MGAT4C: variants seen among roughly 807,000 people sequenced by gnomAD.
The protein encoded by MGAT4C is alpha-1,3-mannosyl-glycoprotein 4-beta-N-acetylglucosaminyltransferase C.
In MGAT4C, 19 loss-of-function variants were observed where a neutral mutation model predicts 40.1. The ratio of observed to expected loss-of-function variants is 0.47; its 90% CI spans 0.33 to 0.70. The LOEUF (loss-of-function observed/expected upper bound fraction) is 0.70. MGAT4C is among the 30% of genes least tolerant of loss of function. The probability of loss-of-function intolerance (pLI) is 0.02; values close to 1 mark genes in which losing one functional copy is unlikely to be tolerated. For missense variants in MGAT4C, 491 were observed against 563.2 expected (o/e 0.87, Z 1.30); for synonymous variants, 181 against 187.1 (o/e 0.97, Z 0.27).
intron 3 of MGAT4C, among the ~76,000 whole-genome samples, chr12:86,339,088 C>A (rs569862301): frequency 1.3e-5 from 2 of 151,738 alleles, no homozygotes; most frequent in Admixed American, 6.6e-5. Context: ...CGAAAACAAC[C>A]CTATGAAGTT....
chr12:86,294,774 T>C (rs767305952), intron 4 of MGAT4C, among the ~76,000 whole-genome samples: 3 of 152,214 alleles, frequency 2.0e-5, no homozygotes, highest in Non-Finnish European at 2.9e-5. Context: ...TTGGTTCCTA[T>C]TTTGCAATAA....
intron 1 of MGAT4C, among the ~76,000 whole-genome samples, chr12:86,149,290 A>G (rs1433679260): frequency 1.3e-5 from 2 of 152,162 alleles, no homozygotes; most frequent in African/African-American, 4.8e-5. Flanking sequence ...CTGCAAAAAA[A>G]GCTATTCCCT....
At chr12:86,612,961 T>A (rs924885652) in intron 2 of MGAT4C, among the ~76,000 whole-genome samples, 2 of 152,142 alleles carry the variant, frequency 1.3e-5, no homozygotes, top group African/African-American at 4.8e-5. Flanking sequence ...AAAATGTGAA[T>A]CAATGGCATT....
Position 86,303,877 on chromosome 12 carries a change from C to T in MGAT4C, c.-57+30188G>A, listed in dbSNP as rs567737357. On this transcript the variant is annotated intron_variant, in intron 4 of 7. Transcript: ENST00000548651. ...AAAGCCAATGTCTTTCTCTCTCCATCCCTCTCTCTGTCTTCGTCTGTGTGT... is the reference window on the plus strand; with the variant it reads ...AAAGCCAATGTCTTTCTCTCTCCATTCCTCTCTCTGTCTTCGTCTGTGTGT... Among the ~76,000 whole-genome samples, 3 of 150,564 alleles carry T rather than the reference C, an allele frequency of 2.0e-5. No individual in the cohort carries two copies. The South Asian group carries it at 6.2e-4, about 31-fold the overall frequency.
At chr12:86,620,909 C>T (rs899033835) in intron 2 of MGAT4C, among the ~76,000 whole-genome samples, 8 of 152,096 alleles carry the variant, frequency 5.3e-5, no homozygotes, top group South Asian at 2.1e-4. Flanking sequence ...GCTTCCCCTT[C>T]GGCTTCTACT....
At chr12:86,555,591 G>A (rs563042299) in intron 2 of MGAT4C, among the ~76,000 whole-genome samples, 1 of 152,128 alleles carries the variant, frequency 6.6e-6, no homozygotes, top group East Asian at 1.9e-4. Flanking sequence ...AGGGCTCGTG[G>A]CTCTGGAATG....
At chr12:86,186,788 C>CT (rs1888805955) in intron 1 of MGAT4C, among the ~76,000 whole-genome samples, 1 of 152,058 alleles carries the variant, frequency 6.6e-6, no homozygotes, top group Non-Finnish European at 1.5e-5. Context: ...TTCCTGTGTT[C>CT]GTAAGACCAG....
chr12:86,805,001 T>G (rs562614086), intron 1 of MGAT4C, among the ~76,000 whole-genome samples: 58 of 152,164 alleles, frequency 3.8e-4, no homozygotes, highest in African/African-American at 1.4e-3. Context: ...GGTATACACA[T>G]TTCAACACTC....
intron 1 of MGAT4C, among the ~76,000 whole-genome samples, chr12:86,189,017 A>C (rs994885747): frequency 2.0e-5 from 3 of 151,906 alleles, no homozygotes; most frequent in Non-Finnish European, 2.9e-5. Flanking sequence ...GAGATAGAGG[A>C]GTGTATTTTA....
intron 2 of MGAT4C, among the ~76,000 whole-genome samples, chr12:86,659,348 T>C (rs994134814): frequency 7.2e-5 from 11 of 152,018 alleles, no homozygotes; most frequent in African/African-American, 2.7e-4. Flanking sequence ...TCTCCCAAAA[T>C]GCCAGAGAAG....
At chr12:86,452,405 C>A (rs1957439608) in intron 2 of MGAT4C, among the ~76,000 whole-genome samples, 1 of 149,148 alleles carries the variant, frequency 6.7e-6, no homozygotes, top group South Asian at 2.2e-4. Flanking sequence ...TTAACTAGGG[C>A]CATTCTTGCT....
At position 86,740,079 on chromosome 12, in the gene MGAT4C, T is replaced by C. The variant is rs766563186; in HGVS notation, c.-261-12838A>G. On this transcript the variant is annotated intron_variant, in intron 1 of 7. Coordinates refer to the MGAT4C transcript ENST00000548651. ...ATTATTTTTGAAATTACAAAGATAC[T>C]TGAAGCAAAATGTTCATTTTCATTT... 3.8e-4 allele frequency among the ~76,000 whole-genome samples: 57 copies of C among 151,192 alleles called. 1 individual carries two copies. Among genetic ancestry groups the C allele is most frequent in the Admixed American group, 1.7e-3 (25 of 15,102 alleles).
intron 2 of MGAT4C, among the ~76,000 whole-genome samples, chr12:86,703,652 A>T (rs1006411732): frequency 6.6e-6 from 1 of 152,148 alleles, no homozygotes; most frequent in Non-Finnish European, 1.5e-5. Flanking sequence ...TAGAAAACAT[A>T]ACTTTTATAT....
In MGAT4C at chr12:86,273,931, T is replaced by A. The variant is rs1953008406; in HGVS notation, c.-57+60134A>T. 1.3e-5 allele frequency among the ~76,000 whole-genome samples: 2 copies of A among 152,160 alleles called. 1 individual carries two copies. The highest frequency in any genetic ancestry group is 4.8e-5 in the African/African-American group (2 of 41,434). On this transcript the variant is annotated intron_variant, in intron 4 of 7. Coordinates refer to the MGAT4C transcript ENST00000548651. The stretch of plus-strand genomic sequence containing the variant: ...CCGTTCTGGCATTGCTATAAAAAAA[T>A]ACCATGTAATTTATAAAGAAAAGAG...
chr12:86,821,403 G>A (rs1302294866), intron 1 of MGAT4C, among the ~76,000 whole-genome samples: 1 of 150,714 alleles, frequency 6.6e-6, no homozygotes, highest in Non-Finnish European at 1.5e-5. Context: ...TATGGAGTAT[G>A]TGCAATATTT....
At chr12:86,691,154 T>C (rs1399284688) in intron 2 of MGAT4C, among the ~76,000 whole-genome samples, 2 of 152,230 alleles carry the variant, frequency 1.3e-5, no homozygotes, top group African/African-American at 4.8e-5. Context: ...TACTTCCGTT[T>C]ACTGGCAATA....
chr12:86,822,861 A>G (rs1266429255), intron 1 of MGAT4C, among the ~76,000 whole-genome samples: 1 of 151,230 alleles, frequency 6.6e-6, no homozygotes, highest in Non-Finnish European at 1.5e-5. Flanking sequence ...CAGAACACAC[A>G]TTCTTCACCA....
chr12:86,008,283 T>G (rs2136805975), intron 2 of MGAT4C, among the ~76,000 whole-genome samples: 1 of 152,220 alleles, frequency 6.6e-6, no homozygotes, highest in East Asian at 1.9e-4. Context: ...TACATTTTTC[T>G]CAACATGGTA....
chr12:86,713,047 T>A (rs1025142212), intron 2 of MGAT4C, among the ~76,000 whole-genome samples: 9 of 152,068 alleles, frequency 5.9e-5, no homozygotes, highest in African/African-American at 2.2e-4. Flanking sequence ...CAGTTTTGAT[T>A]CTATTTAATC....
Sources: gnomAD v4.1 joint callset for allele counts (sites outside exome capture counted in the v4.1 genomes callset) on GRCh38, gnomAD v4.1.1 for gene constraint, MANE v1.5 for transcripts, NCBI Gene and HGNC (gene_info 2026-07-23, HGNC 2026-07-21) for gene names.